Variants in KPNA4 observed in about 807,000 individuals in gnomAD.
The protein encoded by KPNA4 is importin subunit alpha-3.
In KPNA4, 13 loss-of-function variants were observed where a neutral mutation model predicts 71.3. That is an observed-to-expected ratio of 0.18 (90% confidence interval 0.12 to 0.29). The LOEUF is 0.29. KPNA4 is among the 10% of genes least tolerant of loss of function. KPNA4 has a pLI of 1.00. For missense variants in KPNA4, 334 were observed against 603.2 expected, an observed-to-expected ratio of 0.55 and a Z score of 4.67; for synonymous variants, 189 against 195.2, an observed-to-expected ratio of 0.97 and a Z score of 0.26.
intron 5 of KPNA4, 96 bp downstream of exon 5, chr3:160,535,417 A>T: frequency 1.3e-6 from 1 of 749,448 alleles, no homozygotes; most frequent in Non-Finnish European, 2.2e-6. Flanking sequence ...TCATCAAGTT[A>T]AATTTGATTA....
chr3:160,526,542 A>G, intron 8 of KPNA4, among the ~76,000 whole-genome samples: 1 of 152,240 alleles, frequency 6.6e-6, no homozygotes, highest in East Asian at 1.9e-4. Flanking sequence ...CAGTGCTAGA[A>G]TAGTGGTTCT....
Position 160,502,146 on chromosome 3 carries a change from G to C in KPNA4, c.1524C>G (p.Phe508Leu), listed in dbSNP as rs746185517. Residue 508 changes from phenylalanine to leucine, a missense_variant, in exon 17 of 17, where the codon TTC becomes TTG. By Grantham distance (22) the Phe-to-Leu change is conservative. Transcript: ENST00000334256. The stretch of plus-strand genomic sequence containing the variant: ...CTGTTGGTACATTGGCAGATGAATT[G>C]AAACCAAATGTTCCGCCTTGAATTG... The part of the protein sequence containing the change: ...PEAIQGGTFG[F>L]NSSANVPTEG... 1.1e-5 allele frequency: 18 copies of C among 1,598,204 alleles called. No individual in the cohort carries two copies. Among genetic ancestry groups the C allele is most frequent in the Non-Finnish European group, 1.5e-5 (17 of 1,170,294 alleles).
chr3:160,551,947 G>C (rs550428397), intron 1 of KPNA4, among the ~76,000 whole-genome samples: 108 of 143,402 alleles, frequency 7.5e-4, no homozygotes, highest in African/African-American at 2.6e-3. Flanking sequence ...ACTGGGGGGG[G>C]GGGGGTGATG....
intron 5 of KPNA4, 125 bp from the exon 6 acceptor site, chr3:160,531,682 T>TAACAATTTATATAA (rs1721577636): frequency 4.5e-6 from 2 of 448,468 alleles, no homozygotes; most frequent in East Asian, 7.1e-5. Flanking sequence ...TCTCTGAAAT[T>TAACAATTTATATAA]AACAATTTAT....
chr3:160,555,475 G>A (rs1319209390), intron 1 of KPNA4, among the ~76,000 whole-genome samples: 2 of 152,146 alleles, frequency 1.3e-5, no homozygotes, highest in Admixed American at 6.5e-5. Context: ...TCTACATGTA[G>A]TATGTTTTTT....
At chr3:160,528,355 T>C (rs886450046) in intron 7 of KPNA4, among the ~76,000 whole-genome samples, 3 of 152,112 alleles carry the variant, frequency 2.0e-5, no homozygotes, top group Admixed American at 6.6e-5. Flanking sequence ...AAAAGTACAT[T>C]ATTGAAGTAA....
chr3:160,538,446 C>A (rs548907156), intron 1 of KPNA4, among the ~76,000 whole-genome samples: 1 of 152,176 alleles, frequency 6.6e-6, no homozygotes, highest in South Asian at 2.1e-4. Context: ...AACACTGCTT[C>A]AGTTATAAGT....
At chr3:160,536,732 T>G in intron 2 of KPNA4, 64 bp downstream of exon 2, 1 of 852,994 alleles carries the variant, frequency 1.2e-6, no homozygotes, top group South Asian at 2.3e-5. Flanking sequence ...TTTGGCATCT[T>G]GTATATAATG....
chr3:160,539,522 A>T (rs1425134684), intron 1 of KPNA4, among the ~76,000 whole-genome samples: 4 of 152,232 alleles, frequency 2.6e-5, no homozygotes, highest in Non-Finnish European at 5.9e-5. Flanking sequence ...CCACTAAGCC[A>T]TATTGTTTTC....
chr3:160,515,121 ACTCT>A (rs1209539097), intron 12 of KPNA4: 3 of 520,384 alleles, frequency 5.8e-6, no homozygotes, highest in African/African-American at 3.8e-5. Context: ...ATGCATACAC[ACTCT>A]CTATTAAGTA....
At chr3:160,562,320 C>A (rs1231341476) in intron 1 of KPNA4, among the ~76,000 whole-genome samples, 6 of 152,134 alleles carry the variant, frequency 3.9e-5, no homozygotes, top group Non-Finnish European at 1.5e-5. Context: ...TTTGGATATA[C>A]TGGATTAAGT....
In KPNA4 at chr3:160,531,442, AAAAT is replaced by A. The variant is rs533558302; in HGVS notation, c.383+16_383+19del. On this transcript the variant is annotated intron_variant, in intron 6 of 16. Coordinates refer to ENST00000334256, the MANE Select transcript of KPNA4 (RefSeq NM_002268.5). ...GGATACATTCTAAATTAAAAAAAAA[AAAAT>A]AAATAATGTACTCACTTGTCATCTC... The A allele has an allele frequency of 1.2e-5, 16 of 1,298,492 alleles. No individual in the cohort carries two copies. In the South Asian group the frequency reaches 1.4e-4, roughly 11 times the overall value. 80.4% of individuals were successfully genotyped at this position (1,298,492 alleles called of 1,614,324 possible). A position where few individuals can be genotyped will look rare whatever the true frequency, so the allele number is the denominator to read the frequency against.
rs1453060118 is a variant in KPNA4, at chr3:160,565,380, G to T, written c.-98C>A. On this transcript the variant is annotated 5_prime_UTR_variant, in exon 1 of 17. Coordinates refer to ENST00000334256, the MANE Select transcript of KPNA4 (RefSeq NM_002268.5). ...TCCCAGGAACCGGGCCGCCGCCTGA[G>T]CTGCTGTGCCCGCCGCGCCGCCGCT... 1 of 994,964 alleles carries T rather than the reference G, an allele frequency of 1.0e-6. No individual in the cohort carries two copies. Among genetic ancestry groups the T allele is most frequent in the Non-Finnish European group, 1.5e-6 (1 of 660,476 alleles). 61.6% of individuals were successfully genotyped at this position (994,964 alleles called of 1,614,324 possible).
intron 1 of KPNA4, among the ~76,000 whole-genome samples, chr3:160,545,818 T>C (rs1721892388): frequency 6.6e-6 from 1 of 152,034 alleles, no homozygotes; most frequent in Admixed American, 6.6e-5. Flanking sequence ...AGTCTGAATA[T>C]ATTTTGAAGA....
rs866179414 is a variant in KPNA4 at position 160,551,950 on chromosome 3, G to A, written c.69+13264C>T. Among the ~76,000 whole-genome samples the A allele has an allele frequency of 4.3e-5, 6 of 140,312 alleles. 1 individual carries two copies. In the East Asian group the frequency reaches 1.0e-3, roughly 24 times the overall value. 92.1% of individuals were successfully genotyped at this position (140,312 alleles called of 152,430 possible). A position where few individuals can be genotyped will look rare whatever the true frequency, so the allele number is the denominator to read the frequency against. The stretch of plus-strand genomic sequence containing the variant: ...TTGGTTGTCACAACTGGGGGGGGGG[G>A]GGTGATGTGCTACTGACATCTAGTA... On this transcript the variant is annotated intron_variant, in intron 1 of 16. Transcript: ENST00000334256.
chr3:160,530,828 A>G (rs1233505806), intron 7 of KPNA4, 27 bp downstream of exon 7: 2 of 1,499,792 alleles, frequency 1.3e-6, no homozygotes, highest in Non-Finnish European at 1.8e-6. Context: ...AAAAAATCAC[A>G]ATTATGTTTA....
At chr3:160,536,573 T>C (rs547434016) in intron 2 of KPNA4, among the ~76,000 whole-genome samples, 2 of 152,230 alleles carry the variant, frequency 1.3e-5, no homozygotes, top group Non-Finnish European at 2.9e-5. Flanking sequence ...TCCTTTCAAC[T>C]TCAAAAGCCT....
chr3:160,516,340 G>A (rs1258418111), intron 11 of KPNA4, among the ~76,000 whole-genome samples: 2 of 150,762 alleles, frequency 1.3e-5, no homozygotes, highest in Non-Finnish European at 2.9e-5. Flanking sequence ...ACTGATGTAG[G>A]AACAGAGATG....
intron 1 of KPNA4, among the ~76,000 whole-genome samples, chr3:160,541,432 T>C (rs1439398066): frequency 6.6e-6 from 1 of 151,956 alleles, no homozygotes; most frequent in Non-Finnish European, 1.5e-5. Context: ...AGGTTAATAC[T>C]TAGGTAACAG....
Sources: allele counts gnomAD v4.1 joint callset (sites outside exome capture counted in the v4.1 genomes callset), GRCh38; gene constraint gnomAD v4.1.1; transcripts MANE v1.5; gene names NCBI Gene and HGNC (gene_info 2026-07-23, HGNC 2026-07-21).